Variants in COL5A2 observed in about 807,000 individuals in gnomAD.
COL5A2 encodes the protein collagen type V alpha 2 chain, also known as collagen alpha-2(V) chain.
Under a neutral mutation model 208.2 loss-of-function variants are expected in COL5A2, and 23 were observed. The ratio of observed to expected loss-of-function variants is 0.11; its 90% confidence interval spans 0.08 to 0.16. The LOEUF is 0.16. COL5A2 is among the 10% of genes least tolerant of loss of function. The pLI, the probability that COL5A2 is intolerant of heterozygous loss-of-function variation, is 1.00. For missense variants in COL5A2, 1,590 were observed against 1,956.4 expected (o/e 0.81, Z 3.53); for synonymous variants, 625 against 628.5 (o/e 0.99, Z 0.08).
chr2:189,128,792 G>A (rs1033028625), intron 1 of COL5A2, among the ~76,000 whole-genome samples: 1 of 151,768 alleles, frequency 6.6e-6, no homozygotes, highest in African/African-American at 2.4e-5. Flanking sequence ...CCTTCCTTAC[G>A]TCCAGCTGTT....
At chr2:189,279,300 TGA>T in the COL5A2 span, among the ~76,000 whole-genome samples, 3 of 151,160 alleles carry the variant, frequency 2.0e-5, no homozygotes, top group Non-Finnish European at 4.4e-5. Flanking sequence ...GCTTATAAAG[TGA>T]GAGTAAAAAA....
At chr2:189,409,979 T>C in the COL5A2 span, among the ~76,000 whole-genome samples, 1 of 152,312 alleles carries the variant, frequency 6.6e-6, no homozygotes, top group Admixed American at 6.5e-5. Flanking sequence ...GAGAGCAATA[T>C]GAAAGCTTCT....
chr2:189,197,187 A>AGAACATAG (rs1689013243), intron 1 of COL5A2, among the ~76,000 whole-genome samples: 1 of 152,220 alleles, frequency 6.6e-6, no homozygotes, highest in Admixed American at 6.5e-5. Flanking sequence ...ACATAGGAAC[A>AGAACATAG]GAAAACCAAA....
intron 3 of COL5A2, among the ~76,000 whole-genome samples, chr2:189,100,600 T>C (rs766705396): frequency 2.0e-5 from 3 of 151,972 alleles, no homozygotes; most frequent in Non-Finnish European, 4.4e-5. Context: ...TCTAATCAGA[T>C]GCCATTCCTG....
chr2:189,279,523 T>C, the COL5A2 span, among the ~76,000 whole-genome samples: 1 of 149,618 alleles, frequency 6.7e-6, no homozygotes, highest in Non-Finnish European at 1.5e-5. Flanking sequence ...GAAGATAGCA[T>C]TTTTGTAAAA....
chr2:189,342,305 T>C, the COL5A2 span, among the ~76,000 whole-genome samples: 4 of 148,798 alleles, frequency 2.7e-5, no homozygotes, highest in Non-Finnish European at 6.0e-5. Context: ...CTACTATATA[T>C]ATAGAACCAA....
chr2:189,087,629 A>ATT (rs528975622), intron 8 of COL5A2, among the ~76,000 whole-genome samples: 23 of 120,622 alleles, frequency 1.9e-4, no homozygotes, highest in African/African-American at 6.1e-4. Context: ...ATTGTTTTGT[A>ATT]TTTTTTTTTT....
chr2:189,369,280 A>T, the COL5A2 span, among the ~76,000 whole-genome samples: 6 of 152,100 alleles, frequency 3.9e-5, no homozygotes, highest in Non-Finnish European at 8.8e-5. Context: ...TTTTTTATTA[A>T]TATCACTACC....
chr2:189,051,111 A>G (rs924221198), intron 42 of COL5A2, among the ~76,000 whole-genome samples: 75 of 152,234 alleles, frequency 4.9e-4, no homozygotes, highest in African/African-American at 1.8e-3. Context: ...TTTTGGGTTT[A>G]GTTTTTAGAT....
chr2:189,229,269 C>A (rs1689452637), upstream of COL5A2, among the ~76,000 whole-genome samples: 1 of 151,520 alleles, frequency 6.6e-6, no homozygotes, highest in East Asian at 1.9e-4. Context: ...CCCACTCCTG[C>A]CACTTTTATT....
chr2:189,310,479 G>A, the COL5A2 span, among the ~76,000 whole-genome samples: 1 of 152,228 alleles, frequency 6.6e-6, no homozygotes, highest in Admixed American at 6.5e-5. Context: ...TGGTGGGAAT[G>A]TAAATTAGTA....
intron 45 of COL5A2, among the ~76,000 whole-genome samples, chr2:189,047,114 CTG>C (rs1369164769): frequency 7.0e-6 from 1 of 143,066 alleles, no homozygotes; most frequent in Non-Finnish European, 1.5e-5. Flanking sequence ...GAGCAAGACT[CTG>C]TCTCAAAAAA....
the COL5A2 span, among the ~76,000 whole-genome samples, chr2:189,416,197 C>A: frequency 6.6e-6 from 1 of 152,130 alleles, no homozygotes; most frequent in Non-Finnish European, 1.5e-5. Flanking sequence ...TTGACCCAGC[C>A]ATCCCATTAC....
chr2:189,034,158 C>T lies in COL5A2; in HGVS notation c.4412G>A (p.Arg1471His), dbSNP rs781760462. ...VFEYRTQNVA[R>H]LPIIDLAPVD... is the part of the protein sequence containing the mutation. ...AGGAGCAAGATCTATGATGGGCAAGCGTGCCACATTCTGTGTTCTATATTC... is the reference window on the plus strand; with the variant it reads ...AGGAGCAAGATCTATGATGGGCAAGTGTGCCACATTCTGTGTTCTATATTC... The change falls in exon 54 of 54, where the codon CGC becomes CAC. Residue 1471 changes from arginine (R) to histidine (H), a missense_variant. By Grantham distance (29) the Arg-to-His change is conservative (BLOSUM62 0). Transcript: ENST00000374866. 9.3e-6 allele frequency: 15 copies of T among 1,613,846 alleles called. No homozygotes were observed. The highest frequency in any genetic ancestry group is 1.1e-5 in the Non-Finnish European group (13 of 1,179,946).
chr2:189,311,735 G>C, the COL5A2 span: 2 of 767,242 alleles, frequency 2.6e-6, no homozygotes, highest in Admixed American at 3.5e-5. Flanking sequence ...TCAATCTGCT[G>C]AGACCAGTAC....
chr2:189,243,687 C>G, the COL5A2 span, among the ~76,000 whole-genome samples: 1 of 152,120 alleles, frequency 6.6e-6, no homozygotes, highest in Admixed American at 6.5e-5. Flanking sequence ...AACAATCATG[C>G]CTTCCCAACA....
the COL5A2 span, among the ~76,000 whole-genome samples, chr2:189,429,012 C>T: frequency 7.9e-4 from 120 of 152,028 alleles, no homozygotes; most frequent in South Asian, 3.5e-3. Context: ...ACAATCAGGC[C>T]GGAAGAATAA....
At chr2:189,104,101 G>A (rs1687103959) in intron 3 of COL5A2, among the ~76,000 whole-genome samples, 163 bp downstream of exon 3, 1 of 151,976 alleles carries the variant, frequency 6.6e-6, no homozygotes, top group African/African-American at 2.4e-5. Context: ...TCTGTCCTTT[G>A]GAAACACAGT....
At chr2:189,362,578 T>C in the COL5A2 span, among the ~76,000 whole-genome samples, 1 of 152,002 alleles carries the variant, frequency 6.6e-6, no homozygotes, top group Non-Finnish European at 1.5e-5. Flanking sequence ...ACTGCCAGAA[T>C]TTTTTTTCAT....
Sources: gnomAD v4.1 joint callset for allele counts (sites outside exome capture counted in the v4.1 genomes callset) on GRCh38, gnomAD v4.1.1 for gene constraint, MANE v1.5 for transcripts, NCBI Gene and HGNC (gene_info 2026-07-23, HGNC 2026-07-21) for gene names.